Variants in DNM3 observed in about 807,000 individuals in gnomAD.
DNM3 encodes dynamin 3.
In DNM3, 47 loss-of-function variants were observed where a neutral mutation model predicts 101.6. That is an observed-to-expected ratio of 0.46 (90% CI 0.37 to 0.59). DNM3 has a LOEUF of 0.59. Among genes scored for constraint, DNM3 ranks in the 20% least tolerant of loss-of-function variants. The pLI is 0.00. For missense variants in DNM3, 849 were observed against 1,085.7 expected, an observed-to-expected ratio of 0.78 and a Z score of 3.06; for synonymous variants, 385 against 387.9, an observed-to-expected ratio of 0.99 and a Z score of 0.09.
At chr1:172,004,565 G>A (rs1167943978) in intron 4 of DNM3, among the ~76,000 whole-genome samples, 1 of 151,922 alleles carries the variant, frequency 6.6e-6, no homozygotes, top group East Asian at 1.9e-4. Flanking sequence ...ACATTTGGTA[G>A]AAGACAGCAA....
chr1:172,219,237 C>A (rs1343809601), intron 14 of DNM3, among the ~76,000 whole-genome samples: 1 of 151,534 alleles, frequency 6.6e-6, no homozygotes, highest in East Asian at 1.9e-4. Context: ...TGGCATGCAC[C>A]CCTGGTCCCA....
Position 172,104,365 on chromosome 1 carries a change from A to G in DNM3, c.1545+11490A>G, listed in dbSNP as rs191891685. ...ATTTAAATTTTTGTTTGTTTGTTTG[A>G]TAATCATATACTTCTGTCTTCTTAA... On this transcript the variant is annotated intron_variant, in intron 13 of 20. Transcript: ENST00000627582. 2.6e-5 allele frequency among the ~76,000 whole-genome samples: 4 copies of G among 151,740 alleles called. No homozygotes were observed. In the East Asian group the frequency reaches 7.7e-4, roughly 29 times the overall value.
chr1:172,123,366 T>C (rs2056431779), intron 13 of DNM3, among the ~76,000 whole-genome samples: 1 of 152,218 alleles, frequency 6.6e-6, no homozygotes, highest in South Asian at 2.1e-4. Context: ...TTTTCTACCA[T>C]ATAGCTGGCC....
intron 14 of DNM3, among the ~76,000 whole-genome samples, chr1:172,198,848 CA>C (rs1553414408): frequency 1.3e-5 from 2 of 151,516 alleles, no homozygotes; most frequent in East Asian, 3.9e-4. Context: ...TTAATTTTTT[CA>C]AAAAATCAAC....
intron 1 of DNM3, among the ~76,000 whole-genome samples, chr1:171,869,686 T>C (rs550426088): frequency 6.6e-6 from 1 of 152,256 alleles, no homozygotes; most frequent in Non-Finnish European, 1.5e-5. Context: ...CATATGATGC[T>C]GAGTTATTGC....
intron 1 of DNM3, among the ~76,000 whole-genome samples, chr1:171,895,730 T>G (rs2037728441): frequency 6.6e-6 from 1 of 152,138 alleles, no homozygotes; most frequent in Non-Finnish European, 1.5e-5. Context: ...ATGTCCTGAA[T>G]GGTATTGCCT....
intron 13 of DNM3, among the ~76,000 whole-genome samples, chr1:172,113,562 G>T (rs1310324884): frequency 6.9e-6 from 1 of 143,942 alleles, no homozygotes; most frequent in African/African-American, 2.6e-5. Context: ...GGAGGTTGCG[G>T]TGAGCTGAGA....
chr1:172,030,112 A>G (rs1253757984), intron 4 of DNM3, among the ~76,000 whole-genome samples: 1 of 152,172 alleles, frequency 6.6e-6, no homozygotes, highest in East Asian at 1.9e-4. Flanking sequence ...AATCCTAAGC[A>G]AAAAGAACAA....
intron 14 of DNM3, among the ~76,000 whole-genome samples, chr1:172,239,883 T>C (rs1442774539): frequency 6.7e-6 from 1 of 148,556 alleles, no homozygotes. Flanking sequence ...TCCAGTTCAT[T>C]TATTTTTTCC....
intron 18 of DNM3, among the ~76,000 whole-genome samples, chr1:172,384,742 G>A (rs549372136): frequency 6.6e-6 from 1 of 152,256 alleles, no homozygotes; most frequent in South Asian, 2.1e-4. Flanking sequence ...CTTTTAAATT[G>A]TATTTAATAG....
intron 14 of DNM3, among the ~76,000 whole-genome samples, chr1:172,239,973 T>A (rs1288821497): frequency 6.6e-6 from 1 of 151,840 alleles, no homozygotes; most frequent in Non-Finnish European, 1.5e-5. Context: ...CTTGCAGTGA[T>A]CCAGCCAAAT....
intron 1 of DNM3, among the ~76,000 whole-genome samples, chr1:171,901,122 A>AAAAAAG (rs2038300810): frequency 6.7e-6 from 1 of 149,130 alleles, no homozygotes; most frequent in African/African-American, 2.5e-5. Flanking sequence ...CAAAAAAAAA[A>AAAAAAG]AAAAAAAAAG....
At chr1:172,339,098 C>T (rs6697844) in intron 17 of DNM3, 213,369 of 473,370 alleles carry the variant, frequency 0.45, 53,757 homozygotes, top group African/African-American at 0.85. Flanking sequence ...GAACATCTCA[C>T]TGTGAAATAT....
At chr1:172,358,248 G>A (rs1050017980) in intron 17 of DNM3, among the ~76,000 whole-genome samples, 15 of 152,082 alleles carry the variant, frequency 9.9e-5, no homozygotes, top group African/African-American at 3.4e-4. Flanking sequence ...GAATGTGCGC[G>A]TGTGTATATG....
chr1:171,963,941 T>A (rs1482181384), intron 2 of DNM3, among the ~76,000 whole-genome samples: 1 of 152,030 alleles, frequency 6.6e-6, no homozygotes. Context: ...ATGATAGGAA[T>A]GGGTGGTCAG....
At position 172,376,515 on chromosome 1, in the gene DNM3, G is replaced by T. The variant is rs547452392; in HGVS notation, c.1894-2503G>T. The T allele has an allele frequency of 2.6e-5, 4 of 152,128 alleles. No homozygotes were observed. In the East Asian group the frequency reaches 7.7e-4, roughly 29 times the overall value. The allele number at this position is 152,128 out of a possible 1,614,324, so 9.4% of individuals were successfully genotyped here. A position where few individuals can be genotyped will look rare whatever the true frequency, so the allele number is the denominator to read the frequency against. On this transcript the variant is annotated intron_variant, in intron 17 of 20. Coordinates refer to ENST00000627582, the MANE Select transcript of DNM3 (RefSeq NM_015569.5). ...AATGGAGAATTTGGTTAGAACTGGG[G>T]TTAGAGAAAAGGAAGTGTTGCTCTC...
At chr1:172,379,320 G>A (rs1246922537) in intron 18 of DNM3, 138 bp downstream of exon 18, 17 of 820,060 alleles carry the variant, frequency 2.1e-5, no homozygotes, top group Non-Finnish European at 2.8e-5. Context: ...TCCATTAGAC[G>A]TGATATGTGA....
intron 15 of DNM3, among the ~76,000 whole-genome samples, chr1:172,286,336 T>C (rs940847648): frequency 6.6e-6 from 1 of 152,152 alleles, no homozygotes; most frequent in East Asian, 1.9e-4. Context: ...CTGAGAATAA[T>C]TGTGGTTCTC....
At chr1:172,360,571 C>A (rs1432131034) in intron 17 of DNM3, among the ~76,000 whole-genome samples, 1 of 151,934 alleles carries the variant, frequency 6.6e-6, no homozygotes, top group Non-Finnish European at 1.5e-5. Flanking sequence ...AGCAGTAGAG[C>A]CTCAGGCAAA....
Sources: gnomAD v4.1 joint callset for allele counts (sites outside exome capture counted in the v4.1 genomes callset) on GRCh38, gnomAD v4.1.1 for gene constraint, MANE v1.5 for transcripts, NCBI Gene and HGNC (gene_info 2026-07-23, HGNC 2026-07-21) for gene names.